EDEM3: variants seen among roughly 807,000 people sequenced by gnomAD.
EDEM3 encodes ER degradation-enhancing alpha-mannosidase-like protein 3.
A neutral mutation model predicts 110.2 loss-of-function variants in EDEM3; 60 were observed. The ratio of observed to expected loss-of-function variants is 0.54; its 90% CI spans 0.44 to 0.67. The LOEUF (loss-of-function observed/expected upper bound fraction) is 0.67, where lower values mean the gene tolerates loss of function less well. Ranked by LOEUF, EDEM3 falls within the 30% of genes least tolerant of loss-of-function variation. EDEM3 has a pLI of 0.00. For missense variants in EDEM3, 996 were observed against 1,121.0 expected, an observed-to-expected ratio of 0.89 and a Z score of 1.59; for synonymous variants, 352 against 382.9, an observed-to-expected ratio of 0.92 and a Z score of 0.94.
rs34268021 is a variant in EDEM3, at chr1:184,720,509, C to CTTTTTTTTTTTTTTTTTTTTTTT, written c.951+779_951+780insAAAAAAAAAAAAAAAAAAAAAAA. Reference sequence around the variant, plus strand: ...AATTTAAACCAGTACATCTCCCATACTTTTTTTTTTTTTTTTTTGAGACGG... The same window carrying CTTTTTTTTTTTTTTTTTTTTTTT: ...AATTTAAACCAGTACATCTCCCATACTTTTTTTTTTTTTTTTTTTTTTTTTTTTTTTTTTTTTTTTTGAGACGG... On this transcript the variant is annotated intron_variant, in intron 9 of 19. Coordinates refer to ENST00000318130, the MANE Select transcript of EDEM3 (RefSeq NM_025191.4). 2.0e-4 allele frequency: 26 copies of CTTTTTTTTTTTTTTTTTTTTTTT among 127,438 alleles called. 1 individual carries two copies. Among genetic ancestry groups the CTTTTTTTTTTTTTTTTTTTTTTT allele is most frequent in the African/African-American group, 6.0e-4 (19 of 31,722 alleles). 7.9% of individuals were successfully genotyped at this position (127,438 alleles called of 1,614,324 possible).
chr1:184,718,540 G>C (rs1571376502), intron 11 of EDEM3, among the ~76,000 whole-genome samples: 1 of 152,058 alleles, frequency 6.6e-6, no homozygotes, highest in South Asian at 2.1e-4. Context: ...GTCAATAAGC[G>C]GGGATAGAAC....
chr1:184,711,541 C>T (rs1356202874), intron 15 of EDEM3, among the ~76,000 whole-genome samples, 182 bp downstream of exon 15: 1 of 152,056 alleles, frequency 6.6e-6, no homozygotes, highest in Non-Finnish European at 1.5e-5. Flanking sequence ...GATATTACTG[C>T]AAAATAAGCT....
At chr1:184,727,542 T>G (rs1157405216) in intron 6 of EDEM3, among the ~76,000 whole-genome samples, 4 of 152,184 alleles carry the variant, frequency 2.6e-5, no homozygotes, top group African/African-American at 9.7e-5. Flanking sequence ...AGATATCAAT[T>G]GCTAGGTATA....
Position 184,719,090 on chromosome 1 carries a change from G to C in EDEM3, c.1161+72C>G, listed in dbSNP as rs1457000547. On this transcript the variant is annotated intron_variant, in intron 11 of 19. Coordinates refer to ENST00000318130, the MANE Select transcript of EDEM3 (RefSeq NM_025191.4). ...TCTACCTTTATATTAGCAACTTATA[G>C]TGTATATGTGTACGTGTGTGTGTGT... The C allele has an allele frequency of 8.7e-6, 7 of 807,598 alleles. No homozygotes were observed. The African/African-American group carries it at 1.2e-4, about 14-fold the overall frequency. The allele number at this position is 807,598 out of a possible 1,614,324, so 50.0% of individuals were successfully genotyped here. A position where few individuals can be genotyped will look rare whatever the true frequency, so the allele number is the denominator to read the frequency against.
intron 1 of EDEM3, 31 bp downstream of exon 1, chr1:184,754,458 G>A: frequency 6.2e-7 from 1 of 1,612,464 alleles, no homozygotes; most frequent in Non-Finnish European, 8.5e-7. Flanking sequence ...GCCTCACCGA[G>A]AAACCCACCC....
chr1:184,735,561 A>G (rs566370048), intron 4 of EDEM3, among the ~76,000 whole-genome samples: 9 of 152,204 alleles, frequency 5.9e-5, no homozygotes, highest in Non-Finnish European at 1.2e-4. Context: ...TTTGATAATA[A>G]TTTGTTGTGC....
At chr1:184,728,345 T>C (rs982706300) in intron 6 of EDEM3, among the ~76,000 whole-genome samples, 4 of 152,018 alleles carry the variant, frequency 2.6e-5, no homozygotes, top group Non-Finnish European at 4.4e-5. Flanking sequence ...AGTCTAAGAG[T>C]AGTCATAAGA....
At chr1:184,699,496 T>A (rs1649502915) in intron 19 of EDEM3, among the ~76,000 whole-genome samples, 1 of 151,928 alleles carries the variant, frequency 6.6e-6, no homozygotes, top group South Asian at 2.1e-4. Flanking sequence ...TCAATTCTGC[T>A]AAGAAGAATG....
At chr1:184,716,254 G>T (rs1252362187) in intron 13 of EDEM3, among the ~76,000 whole-genome samples, 1 of 152,122 alleles carries the variant, frequency 6.6e-6, no homozygotes. Context: ...AATATTTCTG[G>T]AATGAACATT....
At chr1:184,695,540 T>C (rs576852335) in intron 19 of EDEM3, among the ~76,000 whole-genome samples, 6 of 152,114 alleles carry the variant, frequency 3.9e-5, no homozygotes, top group African/African-American at 1.4e-4. Context: ...TAATACCTAA[T>C]ACAACGTAAA....
chr1:184,743,256 G>A (rs1484474836), intron 2 of EDEM3, among the ~76,000 whole-genome samples: 3 of 152,038 alleles, frequency 2.0e-5, no homozygotes, highest in Admixed American at 6.6e-5. Flanking sequence ...CAATGCATAC[G>A]TGGCAAATTA....
At chr1:184,710,608 CAT>C (rs1368532296) in intron 15 of EDEM3, 61 bp from the exon 16 acceptor site, 14 of 1,501,834 alleles carry the variant, frequency 9.3e-6, no homozygotes, top group East Asian at 2.4e-5. Context: ...GCAAAAAACA[CAT>C]GTCAAATAAA....
chr1:184,699,523 C>T (rs1391360960), intron 19 of EDEM3, among the ~76,000 whole-genome samples: 1 of 151,816 alleles, frequency 6.6e-6, no homozygotes, highest in Non-Finnish European at 1.5e-5. Flanking sequence ...ATGTTTCTCT[C>T]CAGGTAGAGT....
intron 1 of EDEM3, among the ~76,000 whole-genome samples, chr1:184,751,157 C>CAT (rs200420382): frequency 4.7e-4 from 68 of 143,606 alleles, no homozygotes; most frequent in Middle Eastern, 7.2e-3. Flanking sequence ...TGTAAGTTTA[C>CAT]ATATATATAT....
chr1:184,752,581 G>A (rs1652827706), intron 1 of EDEM3, among the ~76,000 whole-genome samples: 1 of 152,158 alleles, frequency 6.6e-6, no homozygotes, highest in Admixed American at 6.5e-5. Context: ...AGCCAATTTG[G>A]TTGAACTTTT....
intron 1 of EDEM3, among the ~76,000 whole-genome samples, chr1:184,750,032 G>A (rs1652668933): frequency 6.6e-6 from 1 of 152,178 alleles, no homozygotes; most frequent in African/African-American, 2.4e-5. Context: ...TCTACTAAGA[G>A]AGAGGTACAC....
At chr1:184,715,633 ACTTCT>A (rs1438318500) in intron 13 of EDEM3, among the ~76,000 whole-genome samples, 2 of 152,100 alleles carry the variant, frequency 1.3e-5, no homozygotes, top group African/African-American at 4.8e-5. Context: ...AAGTTCCCTA[ACTTCT>A]CTTTCCCTTG....
chr1:184,731,475 A>G (rs1451281590), intron 6 of EDEM3, among the ~76,000 whole-genome samples: 8 of 152,218 alleles, frequency 5.3e-5, no homozygotes, highest in Non-Finnish European at 5.9e-5. Flanking sequence ...CAAGTTTTCT[A>G]GAACATTTCC....
chr1:184,736,980 T>C lies in EDEM3; in HGVS notation c.345+45A>G, dbSNP rs546061765. 2.7e-5 allele frequency: 39 copies of C among 1,427,102 alleles called. No homozygotes were observed. In the African/African-American group the frequency reaches 4.1e-4, roughly 15 times the overall value. 88.4% of individuals were successfully genotyped at this position (1,427,102 alleles called of 1,614,324 possible). A position where few individuals can be genotyped will look rare whatever the true frequency, so the allele number is the denominator to read the frequency against. ...TATGATCATATTCATAATACTTAAG[T>C]GTGCATATCATGAATAAAATAAATC... is the stretch of plus-strand genomic sequence containing the variant. On this transcript the variant is annotated intron_variant, in intron 4 of 19. Coordinates refer to ENST00000318130, the MANE Select transcript of EDEM3 (RefSeq NM_025191.4).
Sources: gnomAD v4.1 joint callset for allele counts (sites outside exome capture counted in the v4.1 genomes callset) on GRCh38, gnomAD v4.1.1 for gene constraint, MANE v1.5 for transcripts, NCBI Gene and HGNC (gene_info 2026-07-23, HGNC 2026-07-21) for gene names.